Variants in PHTF2 observed in about 807,000 individuals in gnomAD.
The protein encoded by PHTF2 is putative homeodomain transcription factor 2, also known as protein PHTF2.
A neutral mutation model predicts 101.2 loss-of-function variants in PHTF2; 60 were observed. The observed-to-expected ratio is 0.59, with a 90% CI of 0.48 to 0.73. PHTF2 has a LOEUF of 0.73. PHTF2 is among the 30% of genes least tolerant of loss of function. The pLI is 0.00. For missense variants in PHTF2, 747 were observed against 908.7 expected (o/e 0.82, Z 2.29); for synonymous variants, 311 against 307.3 (o/e 1.01, Z -0.13).
At chr7:77,920,303 T>C in exon 10 of PHTF2, 1 of 1,592,192 alleles carries the variant, frequency 6.3e-7, no homozygotes, top group Middle Eastern at 1.7e-4. Context: ...AGAATTCAAT[T>C]GATAAATCAA....
intron 16 of PHTF2, among the ~76,000 whole-genome samples, chr7:77,947,837 C>CTTTCTTT: frequency 1.4e-5 from 1 of 73,802 alleles, no homozygotes; most frequent in South Asian, 5.0e-4. Context: ...TTTTTTCTTT[C>CTTTCTTT]TTTTTTTTTT....
chr7:77,806,127 A>G (rs1312110311), intron 1 of PHTF2, among the ~76,000 whole-genome samples: 1 of 151,718 alleles, frequency 6.6e-6, no homozygotes, highest in Admixed American at 6.6e-5. Flanking sequence ...TTGCAGTGAG[A>G]TCGCACCATT....
intron 1 of PHTF2, among the ~76,000 whole-genome samples, chr7:77,835,274 C>CA (rs11412821): frequency 0.36 from 29,421 of 81,824 alleles, 4,034 homozygotes; most frequent in African/African-American, 0.5. Flanking sequence ...AACTCCGTCT[C>CA]AAAAAAAAAA....
At chr7:77,941,132 A>G (rs562071801) in intron 15 of PHTF2, among the ~76,000 whole-genome samples, 113 of 152,294 alleles carry the variant, frequency 7.4e-4, no homozygotes, top group African/African-American at 2.4e-3. Context: ...GCAAATTCCA[A>G]TGATATTTAT....
intron 2 of PHTF2, among the ~76,000 whole-genome samples, chr7:77,843,601 A>C (rs1469689857): frequency 1.3e-5 from 2 of 152,234 alleles, no homozygotes; most frequent in Non-Finnish European, 2.9e-5. Context: ...TTTGTACTTC[A>C]GTGAAATGAA....
At chr7:77,955,230 T>C (rs1162205329) in exon 20 of PHTF2, 2 of 160,752 alleles carry the variant, frequency 1.2e-5, no homozygotes, top group African/African-American at 4.8e-5. Context: ...ATCAATGCCG[T>C]GAACTTGCCT....
At chr7:77,823,122 T>C (rs1794434377) in intron 1 of PHTF2, among the ~76,000 whole-genome samples, 1 of 151,968 alleles carries the variant, frequency 6.6e-6, no homozygotes, top group African/African-American at 2.4e-5. Flanking sequence ...GCCAGGATGG[T>C]CTCAATCTCC....
intron 5 of PHTF2, among the ~76,000 whole-genome samples, chr7:77,894,272 T>G (rs569822656): frequency 1.3e-5 from 2 of 152,320 alleles, no homozygotes; most frequent in South Asian, 4.1e-4. Flanking sequence ...TCAACTGAAT[T>G]TATTGTTTCC....
rs1200869427 is a variant in PHTF2 at position 77,932,619 on chromosome 7, AGAGT to A, written c.1338+3294_1338+3297del. 4.5e-3 allele frequency among the ~76,000 whole-genome samples: 502 copies of A among 111,626 alleles called. 3 individuals carry two copies. Among genetic ancestry groups the A allele is most frequent in the African/African-American group, 0.019 (455 of 24,418 alleles). The allele number at this position is 111,626 out of a possible 152,430, so 73.2% of individuals were successfully genotyped here. ...GAGAGAGAAAGAGAGAGAGAGAGAG[AGAGT>A]GTGTGTGTGTGTGTGTGTGTGTGTG... On this transcript the variant is annotated intron_variant, in intron 12 of 19. Transcript: ENST00000416283.
chr7:77,827,991 T>A (rs1449751483), intron 1 of PHTF2, among the ~76,000 whole-genome samples: 2 of 152,218 alleles, frequency 1.3e-5, no homozygotes, highest in Non-Finnish European at 2.9e-5. Context: ...TTTTAATCTC[T>A]AAATTAAGTC....
intron 3 of PHTF2, among the ~76,000 whole-genome samples, chr7:77,881,569 C>G (rs1411220361): frequency 1.3e-5 from 2 of 151,540 alleles, no homozygotes. Context: ...TAGGCTTTCG[C>G]CATGTTGCCC....
chr7:77,856,737 A>G (rs1305756587), intron 3 of PHTF2, among the ~76,000 whole-genome samples: 1 of 152,088 alleles, frequency 6.6e-6, no homozygotes, highest in Non-Finnish European at 1.5e-5. Flanking sequence ...CTATTTACAG[A>G]ACAGTTATAA....
intron 12 of PHTF2, among the ~76,000 whole-genome samples, chr7:77,931,812 A>G (rs956687502): frequency 6.6e-6 from 1 of 152,244 alleles, no homozygotes; most frequent in African/African-American, 2.4e-5. Flanking sequence ...ATGTTGTATG[A>G]TAAAACAGTA....
chr7:77,880,932 A>G (rs1168716801), intron 3 of PHTF2, among the ~76,000 whole-genome samples: 3 of 152,198 alleles, frequency 2.0e-5, no homozygotes, highest in Non-Finnish European at 4.4e-5. Flanking sequence ...AAGGAAAAAT[A>G]CAAACATAAC....
intron 12 of PHTF2, among the ~76,000 whole-genome samples, chr7:77,934,611 T>C (rs1804912722): frequency 1.3e-5 from 2 of 152,202 alleles, no homozygotes; most frequent in Non-Finnish European, 2.9e-5. Context: ...TGTGATGCTG[T>C]CTTCAAAGGT....
chr7:77,914,162 C>T (rs1562944192), intron 9 of PHTF2, among the ~76,000 whole-genome samples: 1 of 151,818 alleles, frequency 6.6e-6, no homozygotes. Context: ...TGCTGAAGCT[C>T]ATAAGCTAGT....
At chr7:77,939,516 G>C (rs981000572) in intron 13 of PHTF2, among the ~76,000 whole-genome samples, 4 of 149,092 alleles carry the variant, frequency 2.7e-5, no homozygotes, top group Non-Finnish European at 5.9e-5. Context: ...GGAATGCTGA[G>C]TTGGGAGGGA....
chr7:77,840,232 C>G, exon 2 of PHTF2: 1 of 1,578,336 alleles, frequency 6.3e-7, no homozygotes, highest in South Asian at 1.1e-5. Flanking sequence ...CTAAAATGAC[C>G]AATGTGTGAT....
chr7:77,811,796 A>G (rs1379359799), intron 1 of PHTF2, among the ~76,000 whole-genome samples: 1 of 152,128 alleles, frequency 6.6e-6, no homozygotes, highest in East Asian at 1.9e-4. Flanking sequence ...TTAGAGATCT[A>G]GGTGTTAGAT....
Sources: gnomAD v4.1 joint callset for allele counts (sites outside exome capture counted in the v4.1 genomes callset) on GRCh38, gnomAD v4.1.1 for gene constraint, MANE v1.5 for transcripts, NCBI Gene and HGNC (gene_info 2026-07-23, HGNC 2026-07-21) for gene names.